Variants in EPB41L4A observed in about 807,000 individuals in gnomAD.
The protein encoded by EPB41L4A is erythrocyte membrane protein band 4.1 like 4A.
EPB41L4A carries 100 observed loss-of-function variants against 108.6 expected under a neutral mutation model. The ratio of observed to expected loss-of-function variants is 0.92; its 90% CI spans 0.78 to 1.09. EPB41L4A has a LOEUF of 1.09. EPB41L4A is among the 50% of genes least tolerant of loss of function. The pLI, the probability that EPB41L4A is intolerant of heterozygous loss-of-function variation, is 0.00. For synonymous variants in EPB41L4A, 319 were observed against 289.0 expected (o/e 1.10, Z -1.05); for missense variants, 1,030 against 842.7 (o/e 1.22, Z -2.75).
intron 12 of EPB41L4A, among the ~76,000 whole-genome samples, chr5:112,231,237 G>C (rs1355828130): frequency 1.3e-5 from 2 of 152,046 alleles, no homozygotes; most frequent in African/African-American, 4.8e-5. Flanking sequence ...CATTGTTTAG[G>C]AACATTTAAA....
chr5:112,156,770 A>C (rs1185269232), intron 12 of EPB41L4A, among the ~76,000 whole-genome samples: 1 of 152,200 alleles, frequency 6.6e-6, no homozygotes, highest in Non-Finnish European at 1.5e-5. Flanking sequence ...AAAAATCCCA[A>C]CAATCTTTAG....
intron 12 of EPB41L4A, among the ~76,000 whole-genome samples, chr5:112,146,502 A>G (rs1453704441): frequency 6.6e-6 from 1 of 152,236 alleles, no homozygotes; most frequent in Non-Finnish European, 1.5e-5. Context: ...AGCTAACAGC[A>G]AGGTTACTGA....
chr5:112,417,854 G>A (rs1227666049), intron 1 of EPB41L4A, among the ~76,000 whole-genome samples: 2 of 152,146 alleles, frequency 1.3e-5, no homozygotes, highest in African/African-American at 4.8e-5. Context: ...CACTAAGAAT[G>A]GCAACATTAA....
rs1361207216 is a variant in EPB41L4A, at chr5:112,237,560, C to G, written c.965+2100G>C. ...ACCTGCATTCATACACTGCAGCCACCTGTTAAGCTGTTCTTTATACCCTAT... is the reference window on the plus strand; with the variant it reads ...ACCTGCATTCATACACTGCAGCCACGTGTTAAGCTGTTCTTTATACCCTAT... On this transcript the variant is annotated intron_variant, in intron 11 of 22. Coordinates refer to ENST00000261486, the MANE Select transcript of EPB41L4A (RefSeq NM_022140.5). Among the ~76,000 whole-genome samples, 5 of 152,116 alleles carry G rather than the reference C, an allele frequency of 3.3e-5. No homozygotes were observed. The East Asian group carries it at 9.6e-4, about 29-fold the overall frequency.
At chr5:112,142,364 T>C (rs1046844316), downstream of EPB41L4A, 1 of 152,178 alleles carries the variant, frequency 6.6e-6, no homozygotes, top group Non-Finnish European at 1.5e-5. Flanking sequence ...TTTAAGAACT[T>C]CCTAGGTACT....
chr5:112,161,665 T>C (rs762942820), downstream of EPB41L4A: 2 of 514,450 alleles, frequency 3.9e-6, no homozygotes, highest in Non-Finnish European at 7.8e-6. Context: ...TAGCCTTAAG[T>C]GTATGGTTTC....
chr5:112,194,343 C>G lies in EPB41L4A; in HGVS notation c.1502+225G>C, dbSNP rs531814812. On this transcript the variant is annotated intron_variant, in intron 17 of 22. Coordinates refer to ENST00000261486, the MANE Select transcript of EPB41L4A (RefSeq NM_022140.5). ...ATCTTTTAAAACACACACACACACACACAAGAAGGGACCTCATTGTCAAGT... is the reference window on the plus strand; with the variant it reads ...ATCTTTTAAAACACACACACACACAGACAAGAAGGGACCTCATTGTCAAGT... Among the ~76,000 whole-genome samples, 5 of 152,240 alleles carry G rather than the reference C, an allele frequency of 3.3e-5. No homozygotes were observed. In the South Asian group the frequency reaches 1.0e-3, roughly 32 times the overall value.
intron 2 of EPB41L4A, among the ~76,000 whole-genome samples, chr5:112,286,015 T>C (rs1275409548): frequency 1.3e-5 from 2 of 152,136 alleles, no homozygotes; most frequent in African/African-American, 2.4e-5. Context: ...CTTTCTAAAA[T>C]ATTGTCTGAG....
In EPB41L4A at chr5:112,296,488, A is replaced by C. The variant is rs140395572; in HGVS notation, c.204+10898T>G. Reference sequence around the variant, plus strand: ...AAAAAACACTGCTCTCAGATATATAAGAAAAAGGTAGAGTTGGAATCATTC... The same window carrying C: ...AAAAAACACTGCTCTCAGATATATACGAAAAAGGTAGAGTTGGAATCATTC... On this transcript the variant is annotated intron_variant, in intron 2 of 22. Transcript: ENST00000261486. 4.3e-3 allele frequency among the ~76,000 whole-genome samples: 653 copies of C among 152,310 alleles called. 6 individuals carry two copies. Among genetic ancestry groups the C allele is most frequent in the African/African-American group, 0.015 (616 of 41,574 alleles).
rs1199728527 is a variant in EPB41L4A at position 112,339,544 on chromosome 5, T to A, written c.100-32054A>T. Among the ~76,000 whole-genome samples, 238 of 81,606 alleles carry A rather than the reference T, an allele frequency of 2.9e-3. 2 individuals carry two copies. Among genetic ancestry groups the A allele is most frequent in the African/African-American group, 6.3e-3 (133 of 21,008 alleles). 53.5% of individuals were successfully genotyped at this position (81,606 alleles called of 152,430 possible). A position where few individuals can be genotyped will look rare whatever the true frequency, so the allele number is the denominator to read the frequency against. On this transcript the variant is annotated intron_variant, in intron 1 of 22. Coordinates refer to ENST00000261486, the MANE Select transcript of EPB41L4A (RefSeq NM_022140.5). ...GATATATATCTATATATATATATAT[T>A]TTTTTTTTAGACAGAGTCTCATTCT...
At chr5:112,365,341 G>A (rs143991116) in intron 1 of EPB41L4A, among the ~76,000 whole-genome samples, 2 of 152,130 alleles carry the variant, frequency 1.3e-5, no homozygotes, top group East Asian at 3.9e-4. Flanking sequence ...GAGTCTCCAG[G>A]CACACCTAGC....
chr5:112,169,026 C>A lies in EPB41L4A; in HGVS notation c.1819G>T (p.Asp607Tyr), dbSNP rs1179639711. The A allele has an allele frequency of 6.2e-7, 1 of 1,614,088 alleles. No homozygotes were observed. Among genetic ancestry groups the A allele is most frequent in the East Asian group, 2.2e-5 (1 of 44,884 alleles). The change falls in exon 21 of 23, where the codon GAT becomes TAT. Residue 607 changes from aspartate (D) to tyrosine (Y), a missense_variant. By Grantham distance (160) the Asp-to-Tyr change is radical (BLOSUM62 -3). Coordinates refer to ENST00000261486, the MANE Select transcript of EPB41L4A (RefSeq NM_022140.5). Reference sequence around the variant, plus strand: ...TCCGAGAGAACTGATCGCTCCCCATCTGAACACTGGGACCTGCGATACTGG... The same window carrying A: ...TCCGAGAGAACTGATCGCTCCCCATATGAACACTGGGACCTGCGATACTGG... ...YRQYRRSQCSDGERSVLSEVN... is the reference protein window; with the variant it reads ...YRQYRRSQCSYGERSVLSEVN...
intron 1 of EPB41L4A, among the ~76,000 whole-genome samples, chr5:112,404,618 A>G (rs931248046): frequency 6.6e-6 from 1 of 152,222 alleles, no homozygotes; most frequent in Non-Finnish European, 1.5e-5. Context: ...TTCGGAGTCT[A>G]TATTCTCTCC....
At chr5:112,184,542 CT>C (rs1457430604) in intron 17 of EPB41L4A, among the ~76,000 whole-genome samples, 1 of 152,192 alleles carries the variant, frequency 6.6e-6, no homozygotes, top group African/African-American at 2.4e-5. Context: ...TTGAAATACT[CT>C]TAAAAAGTCA....
At chr5:112,419,286 A>C (rs1242732388), upstream of EPB41L4A, 1 of 372,234 alleles carries the variant, frequency 2.7e-6, no homozygotes, top group Admixed American at 4.9e-5. Context: ...CTGGGCGCGG[A>C]GGGCGGTGGC....
chr5:112,270,319 G>C (rs1361522646), intron 4 of EPB41L4A, among the ~76,000 whole-genome samples: 1 of 152,158 alleles, frequency 6.6e-6, no homozygotes, highest in Non-Finnish European at 1.5e-5. Context: ...AGAACCTAGA[G>C]GAGAGTACCA....
At chr5:112,382,408 A>G (rs1237822538) in intron 1 of EPB41L4A, among the ~76,000 whole-genome samples, 1 of 152,218 alleles carries the variant, frequency 6.6e-6, no homozygotes, top group African/African-American at 2.4e-5. Context: ...CAATGACGAC[A>G]AAGACTGCAG....
chr5:112,338,191 TTACTA>T (rs923592932), intron 1 of EPB41L4A, among the ~76,000 whole-genome samples: 4 of 152,098 alleles, frequency 2.6e-5, no homozygotes, highest in African/African-American at 9.7e-5. Flanking sequence ...GAAGCTGACT[TTACTA>T]ATCTCAGTCT....
At chr5:112,399,355 C>T (rs575229811) in intron 1 of EPB41L4A, among the ~76,000 whole-genome samples, 1 of 152,246 alleles carries the variant, frequency 6.6e-6, no homozygotes, top group East Asian at 1.9e-4. Context: ...CATGTCACCA[C>T]AACCATATCC....
Sources: gnomAD v4.1 joint callset for allele counts (sites outside exome capture counted in the v4.1 genomes callset) on GRCh38, gnomAD v4.1.1 for gene constraint, MANE v1.5 for transcripts, NCBI Gene and HGNC (gene_info 2026-07-23, HGNC 2026-07-21) for gene names.